PSMB6: variants seen among roughly 807,000 people sequenced by gnomAD.
PSMB6 encodes proteasome 20S subunit beta 6.
A neutral mutation model predicts 28.2 loss-of-function variants in PSMB6; 11 were observed. That is an observed-to-expected ratio of 0.39 (90% CI 0.25 to 0.65). The LOEUF (loss-of-function observed/expected upper bound fraction) is 0.65. Ranked by LOEUF, PSMB6 falls within the 30% of genes least tolerant of loss-of-function variation. PSMB6 has a pLI of 0.48. For synonymous variants in PSMB6, 126 were observed against 117.7 expected, an observed-to-expected ratio of 1.07 and a Z score of -0.45; for missense variants, 268 against 319.4, an observed-to-expected ratio of 0.84 and a Z score of 1.23.
intron 5 of PSMB6, 47 bp from the exon 6 acceptor site, chr17:4,798,233 G>A (rs1669892838): frequency 6.2e-7 from 1 of 1,612,474 alleles, no homozygotes; most frequent in African/African-American, 1.3e-5. Context: ...TCCTTGCAGT[G>A]ATCCCGGCAT....
Position 4,798,298 on chromosome 17 carries a change from A to T in PSMB6, c.596A>T (p.Glu199Val). The T allele has an allele frequency of 6.2e-7, 1 of 1,614,156 alleles. No homozygotes were observed. The stretch of plus-strand genomic sequence containing the variant: ...TCCACAGCTCTCGCTTTGGCCATGG[A>T]GCGGGATGGCTCCAGTGGAGGAGTG... ...FTANALALAM[E>V]RDGSSGGVIR... is the part of the protein sequence containing the mutation. Residue 199 changes from glutamate (E) to valine (V), a missense_variant, in exon 6 of 6, where the codon GAG becomes GTG. Physicochemically the swap from Glu to Val is moderately radical, Grantham distance 121. Coordinates refer to ENST00000270586, the MANE Select transcript of PSMB6 (RefSeq NM_002798.3).
chr17:4,797,129 C>T (rs1293213533), intron 2 of PSMB6: 6 of 420,358 alleles, frequency 1.4e-5, no homozygotes, highest in Non-Finnish European at 2.6e-5. Flanking sequence ...GCCTGGCCAA[C>T]ATGGCGAAAC....
chr17:4,797,475 C>T lies in PSMB6; in HGVS notation c.208C>T (p.Pro70Ser), dbSNP rs1326320092. ...CAATCGAGTGACTGACAAGCTGACACCTATTCACGACCGCATTTTCTGCTG... is the reference window on the plus strand; with the variant it reads ...CAATCGAGTGACTGACAAGCTGACATCTATTCACGACCGCATTTTCTGCTG... Reference protein sequence around the residue: ...IANRVTDKLTPIHDRIFCCRS... With the variant: ...IANRVTDKLTSIHDRIFCCRS... The change falls in exon 3 of 6, where the codon CCT becomes TCT. Residue 70 changes from proline to serine, a missense_variant. Coordinates refer to ENST00000270586, the MANE Select transcript of PSMB6 (RefSeq NM_002798.3). 2 of 1,597,376 alleles carry T rather than the reference C, an allele frequency of 1.3e-6. No homozygotes were observed. The highest frequency in any genetic ancestry group is 1.7e-5 in the Admixed American group (1 of 58,358).
chr17:4,796,343 G>C, intron 1 of PSMB6, 47 bp downstream of exon 1: 1 of 1,426,540 alleles, frequency 7.0e-7, no homozygotes, highest in Non-Finnish European at 9.6e-7. Context: ...GGCCTGACGC[G>C]ATGGGAAGAT....
chr17:4,797,530 C>T lies in PSMB6; in HGVS notation c.263C>T (p.Ala88Val). 1 of 1,605,036 alleles carries T rather than the reference C, an allele frequency of 6.2e-7. No homozygotes were observed. The highest frequency in any genetic ancestry group is 8.5e-7 in the Non-Finnish European group (1 of 1,173,536). Residue 88 changes from alanine (A) to valine (V), a missense_variant, in exon 3 of 6, where the codon GCA becomes GTA. Coordinates refer to ENST00000270586, the MANE Select transcript of PSMB6 (RefSeq NM_002798.3). Reference protein sequence around the residue: ...CRSGSAADTQAVADAVTYQLG... With the variant: ...CRSGSAADTQVVADAVTYQLG... Reference sequence around the variant, plus strand: ...TCAGGCTCAGCTGCTGATACCCAGGCAGTAGCTGATGCTGTCACCTACCAG... The same window carrying T: ...TCAGGCTCAGCTGCTGATACCCAGGTAGTAGCTGATGCTGTCACCTACCAG...
At position 4,797,746 on chromosome 17, in the gene PSMB6, C is replaced by T. The variant is rs1460527381; in HGVS notation, c.367C>T (p.Arg123Ter). 3 of 1,614,162 alleles carry T rather than the reference C, an allele frequency of 1.9e-6. No homozygotes were observed. The highest frequency in any genetic ancestry group is 2.5e-6 in the Non-Finnish European group (3 of 1,180,028). Residue 123 changes from arginine (R) to a stop codon, truncating the protein, a stop_gained, in exon 4 of 6, where the codon CGA becomes TGA. Coordinates refer to ENST00000270586, the MANE Select transcript of PSMB6 (RefSeq NM_002798.3). LOFTEE classifies it high-confidence loss of function. The stretch of plus-strand genomic sequence containing the variant: ...CAGCCTCTTTAAGGAGATGTGTTAC[C>T]GATACCGGGAAGACCTGATGGCGGG... Reference protein sequence around the residue: ...AASLFKEMCYRYREDLMAGII... With the variant: ...AASLFKEMCY
intron 4 of PSMB6, 80 bp downstream of exon 4, chr17:4,797,891 C>T: frequency 1.0e-5 from 16 of 1,604,022 alleles, no homozygotes; most frequent in South Asian, 2.2e-5. Context: ...TCTTTCCAGT[C>T]TCTACCTCAC....
intron 5 of PSMB6, 55 bp downstream of exon 5, chr17:4,798,208 G>A: frequency 1.2e-6 from 2 of 1,613,070 alleles, no homozygotes; most frequent in South Asian, 1.1e-5. Context: ...CCCAAGCCAG[G>A]CCAGCATTCC....
intron 2 of PSMB6, chr17:4,797,074 G>A (rs1905351723): frequency 4.5e-6 from 2 of 447,842 alleles, no homozygotes; most frequent in South Asian, 5.4e-5. Flanking sequence ...AGTACTTTGG[G>A]AGGCCGAGGC....
intron 1 of PSMB6, 36 bp from the exon 2 acceptor site, chr17:4,796,692 G>C (rs2150659461): frequency 6.5e-7 from 1 of 1,526,768 alleles, no homozygotes; most frequent in South Asian, 1.1e-5. Context: ...GTGTCTGCTG[G>C]AGAATGTAGA....
Position 4,798,401 on chromosome 17 carries a change from T to G in PSMB6, c.699T>G (p.Val233=). 1 of 1,614,168 alleles carries G rather than the reference T, an allele frequency of 6.2e-7. No homozygotes were observed. Among genetic ancestry groups the G allele is most frequent in the Non-Finnish European group, 8.5e-7 (1 of 1,180,024 alleles). The change falls in exon 6 of 6, where the codon GTT becomes GTG. Residue 233 remains valine, a synonymous_variant. Transcript: ENST00000270586. ...GAGACCAGATACCCAAATTCGCCGTTGCCACTTTACCACCCGCCTGAATCC... is the reference window on the plus strand; with the variant it reads ...GAGACCAGATACCCAAATTCGCCGTGGCCACTTTACCACCCGCCTGAATCC... ...LLGDQIPKFA[V]ATLPPA
intron 4 of PSMB6, 52 bp from the exon 5 acceptor site, chr17:4,797,957 C>T (rs1905394728): frequency 3.7e-6 from 6 of 1,609,896 alleles, no homozygotes; most frequent in Non-Finnish European, 5.1e-6. Flanking sequence ...GGTGAATGTA[C>T]GTGTGTTGGA....
chr17:4,796,754 C>CG lies in PSMB6; in HGVS notation c.134dup (p.Val46ArgfsTer21). On this transcript the variant is annotated frameshift_variant, in exon 2 of 6. Coordinates refer to ENST00000270586, the MANE Select transcript of PSMB6 (RefSeq NM_002798.3). LOFTEE classifies it high-confidence loss of function. ...CCACTATCATGGCCGTGCAGTTTGACGGGGGCGTGGTTCTGGGGGCGGACT... is the reference window on the plus strand; with the variant it reads ...CCACTATCATGGCCGTGCAGTTTGACGGGGGGCGTGGTTCTGGGGGCGGACT... 1.9e-6 allele frequency: 3 copies of CG among 1,609,758 alleles called. No homozygotes were observed. The highest frequency in any genetic ancestry group is 1.7e-6 in the Non-Finnish European group (2 of 1,176,126).
chr17:4,796,246 G>T lies in PSMB6; in HGVS notation c.52G>T (p.Gly18Trp). 1 of 1,593,004 alleles carries T rather than the reference G, an allele frequency of 6.3e-7. No individual in the cohort carries two copies. Among genetic ancestry groups the T allele is most frequent in the Non-Finnish European group, 8.5e-7 (1 of 1,170,036 alleles). Reference protein sequence around the residue: ...ARGAGPAPAWGPEAFTPDWES... With the variant: ...ARGAGPAPAWWPEAFTPDWES... ...GGGAGCCGGGCCAGCACCGGCTTGG[G>T]GGCCGGAGGCGTTCACTCCAGACTG... The change falls in exon 1 of 6, where the codon GGG (glycine) becomes TGG (tryptophan). Residue 18 changes from glycine to tryptophan, a missense_variant. Physicochemically the swap from Gly to Trp is radical, Grantham distance 184. Transcript: ENST00000270586.
intron 2 of PSMB6, chr17:4,797,007 T>C: frequency 1.7e-6 from 1 of 577,376 alleles, no homozygotes; most frequent in Non-Finnish European, 3.1e-6. Context: ...CCGCTTCAGT[T>C]TGGATGAGAA....
Position 4,798,051 on chromosome 17 carries a change from T to C in PSMB6, c.475T>C (p.Phe159Leu), listed in dbSNP as rs148466899. 9.0e-5 allele frequency: 145 copies of C among 1,614,166 alleles called. No homozygotes were observed. In the African/African-American group the frequency reaches 1.8e-3, roughly 20 times the overall value. The change falls in exon 5 of 6, where the codon TTT (phenylalanine) becomes CTT (leucine). Residue 159 changes from phenylalanine (F) to leucine (L), a missense_variant. Physicochemically the swap from Phe to Leu is conservative, Grantham distance 22. Transcript: ENST00000270586. ...GGGGGGTATGATGGTAAGGCAGTCC[T>C]TTGCCATTGGAGGCTCCGGGAGCTC... ...PMGGMMVRQS[F>L]AIGGSGSSYI...
chr17:4,797,024 A>G (rs1018975199), intron 2 of PSMB6: 25 of 547,918 alleles, frequency 4.6e-5, no homozygotes, highest in Admixed American at 1.0e-4. Flanking sequence ...AGAATAAGCA[A>G]TACTGGAGGC....
intron 4 of PSMB6, 88 bp downstream of exon 4, chr17:4,797,899 C>T (rs2063773771): frequency 3.7e-6 from 6 of 1,603,512 alleles, no homozygotes; most frequent in South Asian, 2.2e-5. Flanking sequence ...GTCTCTACCT[C>T]ACTTATTCTT....
At chr17:4,798,197 A>G in intron 5 of PSMB6, 44 bp downstream of exon 5, 1 of 1,613,092 alleles carries the variant, frequency 6.2e-7, no homozygotes, top group Non-Finnish European at 8.5e-7. Context: ...AACCCCAACT[A>G]CCCAAGCCAG....
Sources: allele counts gnomAD v4.1 joint callset, GRCh38; gene constraint gnomAD v4.1.1; transcripts MANE v1.5; gene names NCBI Gene and HGNC (gene_info 2026-07-23, HGNC 2026-07-21).